DORIP1: variants seen among roughly 807,000 people sequenced by gnomAD.
DORIP1 encodes dopamine receptor interacting protein 1, also known as dopamine receptor-interacting protein 1.
At chr14:44,903,500 T>C in the DORIP1 span, 1 of 1,178,848 alleles carries the variant, frequency 8.5e-7, no homozygotes, top group Non-Finnish European at 1.1e-6. Context: ...CCTTTTCTTT[T>C]TTCCCCCCCC....
the DORIP1 span, among the ~76,000 whole-genome samples, chr14:44,902,862 A>C: frequency 1.3e-5 from 2 of 152,180 alleles, no homozygotes; most frequent in African/African-American, 2.4e-5. Context: ...ACTTACATTT[A>C]ATCAGGTAAC....
chr14:44,898,356 C>T, the DORIP1 span, among the ~76,000 whole-genome samples: 2 of 152,140 alleles, frequency 1.3e-5, no homozygotes, highest in African/African-American at 2.4e-5. Context: ...TTTCATGCCA[C>T]ATATGTCATT....
chr14:44,906,581 C>T, the DORIP1 span: 4 of 152,484 alleles, frequency 2.6e-5, no homozygotes, highest in East Asian at 1.9e-4. Context: ...CAGAACATTA[C>T]GTTTCTTTAT....
At chr14:44,905,504 T>TTC in the DORIP1 span, 1 of 1,549,082 alleles carries the variant, frequency 6.5e-7, no homozygotes, top group African/African-American at 1.3e-5. Flanking sequence ...CCCCCAGAGT[T>TTC]TCTCCTCTTG....
chr14:44,898,942 C>T, the DORIP1 span: 3 of 152,146 alleles, frequency 2.0e-5, no homozygotes, highest in African/African-American at 4.8e-5. Context: ...GTGTTGAGTT[C>T]ATGTTGTGTT....
At chr14:44,903,942 T>G in the DORIP1 span, 1 of 974,674 alleles carries the variant, frequency 1.0e-6, no homozygotes, top group East Asian at 1.1e-4. Context: ...TACTGTATAA[T>G]TCAATATGTT....
chr14:44,897,312 A>G, the DORIP1 span: 5,744 of 153,214 alleles, frequency 0.037, 369 homozygotes, highest in African/African-American at 0.13. Flanking sequence ...ATAAGAAGCG[A>G]CGTGTCCCAC....
the DORIP1 span, chr14:44,903,107 C>T: frequency 7.5e-6 from 6 of 794,756 alleles, no homozygotes; most frequent in Non-Finnish European, 1.3e-5. Flanking sequence ...CTTGGTATAA[C>T]TGGTTTTGCT....
the DORIP1 span, among the ~76,000 whole-genome samples, chr14:44,898,336 A>G: frequency 6.6e-6 from 1 of 152,154 alleles, no homozygotes; most frequent in African/African-American, 2.4e-5. Context: ...TTTCCAGAGA[A>G]AGACTAAAGT....
chr14:44,902,695 T>C, the DORIP1 span, among the ~76,000 whole-genome samples: 2 of 152,272 alleles, frequency 1.3e-5, no homozygotes, highest in South Asian at 4.1e-4. Flanking sequence ...TAATTCTATA[T>C]TTTATACTAT....
the DORIP1 span, among the ~76,000 whole-genome samples, chr14:44,900,001 T>G: frequency 6.6e-6 from 1 of 151,842 alleles, no homozygotes; most frequent in Non-Finnish European, 1.5e-5. Flanking sequence ...CCAGCTAATT[T>G]TGTATTTTTA....
chr14:44,900,527 G>C, the DORIP1 span: 3 of 1,599,896 alleles, frequency 1.9e-6, no homozygotes, highest in Non-Finnish European at 2.5e-6. Context: ...CCTTGGGGGG[G>C]TGTTTTTACT....
the DORIP1 span, among the ~76,000 whole-genome samples, chr14:44,902,503 A>AT: frequency 9.3e-5 from 14 of 150,180 alleles, no homozygotes; most frequent in South Asian, 4.2e-4. Flanking sequence ...TAATTTTTGT[A>AT]TTTTTTTTTA....
At chr14:44,904,388 A>G in the DORIP1 span, 53 of 1,609,128 alleles carry the variant, frequency 3.3e-5, no homozygotes, top group South Asian at 5.8e-4. Context: ...CCTGTTTTCT[A>G]TTTTAGGTGT....
the DORIP1 span, among the ~76,000 whole-genome samples, chr14:44,902,409 C>T: frequency 1.3e-5 from 2 of 152,112 alleles, no homozygotes; most frequent in African/African-American, 2.4e-5. Flanking sequence ...CTCACTGCAA[C>T]GTTGACTTCC....
At chr14:44,901,007 ATG>A in the DORIP1 span, 1 of 1,519,742 alleles carries the variant, frequency 6.6e-7, no homozygotes, top group Admixed American at 2.2e-5. Context: ...TTTTTAATGA[ATG>A]TTGCTTTAGA....
chr14:44,904,691 G>A, the DORIP1 span: 2 of 749,612 alleles, frequency 2.7e-6, no homozygotes, highest in African/African-American at 3.6e-5. Context: ...CAGAGAGTCA[G>A]TTACTAGCAG....
chr14:44,904,566 T>C, the DORIP1 span: 2 of 1,532,556 alleles, frequency 1.3e-6, no homozygotes, highest in Non-Finnish European at 1.8e-6. Flanking sequence ...ATAAAACTAA[T>C]AAAAAAAATT....
the DORIP1 span, chr14:44,900,417 T>C: frequency 7.0e-7 from 1 of 1,436,454 alleles, no homozygotes; most frequent in African/African-American, 1.4e-5. Context: ...TGTTCTGTTT[T>C]AAACTTTTAA....
Sources: allele counts gnomAD v4.1 joint callset (sites outside exome capture counted in the v4.1 genomes callset), GRCh38; gene constraint gnomAD v4.1.1; transcripts MANE v1.5; gene names NCBI Gene and HGNC (gene_info 2026-07-23, HGNC 2026-07-21).